Variants in SBF2 observed in about 807,000 individuals in gnomAD.
SBF2 encodes the protein myotubularin-related protein 13.
Under a neutral mutation model 225.2 loss-of-function variants are expected in SBF2, and 112 were observed. The ratio of observed to expected loss-of-function variants is 0.50; its 90% confidence interval spans 0.43 to 0.58. SBF2 has a LOEUF of 0.58. Among genes scored for constraint, SBF2 ranks in the 20% least tolerant of loss-of-function variants. The pLI is 0.00. For missense variants in SBF2, 1,996 were observed against 2,206.2 expected, an observed-to-expected ratio of 0.90 and a Z score of 1.91; for synonymous variants, 763 against 773.3, an observed-to-expected ratio of 0.99 and a Z score of 0.22.
chr11:10,032,894 CT>C (rs1214430040), intron 3 of SBF2, among the ~76,000 whole-genome samples: 1 of 152,158 alleles, frequency 6.6e-6, no homozygotes, highest in African/African-American at 2.4e-5. Flanking sequence ...CTTTTCCCCC[CT>C]ATTCATAGAG....
rs201014575 is a variant in SBF2 at position 9,845,454 on chromosome 11, G to C, written c.3110+111C>G. On this transcript the variant is annotated intron_variant, in intron 24 of 39. Transcript: ENST00000256190. ...TGGCCCCATGGGCTTGACAGAAACA[G>C]AACAGTGAATGAAAACAGCAATCGC... is the stretch of plus-strand genomic sequence containing the variant. 1.2e-5 allele frequency: 12 copies of C among 990,188 alleles called. No homozygotes were observed. In the East Asian group the frequency reaches 2.7e-4, roughly 23 times the overall value. 61.3% of individuals were successfully genotyped at this position (990,188 alleles called of 1,614,324 possible). A position where few individuals can be genotyped will look rare whatever the true frequency, so the allele number is the denominator to read the frequency against.
rs757280038 is a variant in SBF2 at position 9,896,009 on chromosome 11, A to G, written c.1863T>C (p.Asp621=). Reference sequence around the variant, plus strand: ...TGTTGTATTCTTCTAAACTTGAACAATCCTTTAAGCAAAACAAAGACAAAA... The same window carrying G: ...TGTTGTATTCTTCTAAACTTGAACAGTCCTTTAAGCAAAACAAAGACAAAA... The part of the protein sequence containing the change: ...IIRMMNCTLQ[D]CSSLEEYNIA... The change falls in exon 17 of 40, where the codon GAT becomes GAC. Residue 621 remains aspartate (D), a splice_region_variant and synonymous_variant. Coordinates refer to ENST00000256190, the MANE Select transcript of SBF2 (RefSeq NM_030962.4). 1 of 1,612,184 alleles carries G rather than the reference A, an allele frequency of 6.2e-7. No homozygotes were observed. Among genetic ancestry groups the G allele is most frequent in the Non-Finnish European group, 8.5e-7 (1 of 1,178,502 alleles).
rs1203166519 is a variant in SBF2, at chr11:10,104,380, G to T, written c.142-61399C>A. Among the ~76,000 whole-genome samples, 3 of 152,336 alleles carry T rather than the reference G, an allele frequency of 2.0e-5. No individual in the cohort carries two copies. In the East Asian group the frequency reaches 5.8e-4, roughly 29 times the overall value. On this transcript the variant is annotated intron_variant, in intron 2 of 39. Coordinates refer to ENST00000256190, the MANE Select transcript of SBF2 (RefSeq NM_030962.4). ...AGAAGAGCAGTTTGAAACAATGGTG[G>T]AAGGTATAACAACAATGGCTGCCCA...
intron 9 of SBF2, among the ~76,000 whole-genome samples, chr11:9,996,583 G>A (rs1268297485): frequency 6.6e-6 from 1 of 151,984 alleles, no homozygotes; most frequent in Non-Finnish European, 1.5e-5. Context: ...AGAGATGGGG[G>A]TTTCACCATG....
At chr11:10,071,260 TC>T (rs1321051432) in intron 2 of SBF2, among the ~76,000 whole-genome samples, 17 of 119,300 alleles carry the variant, frequency 1.4e-4, no homozygotes, top group Non-Finnish European at 1.5e-4. Flanking sequence ...TTTTTCTCTC[TC>T]TCTCTTTTTT....
rs35409690 is a variant in SBF2 at position 10,003,372 on chromosome 11, CTT to C, written c.620-685_620-684del. Among the ~76,000 whole-genome samples, 328 of 138,760 alleles carry C rather than the reference CTT, an allele frequency of 2.4e-3. 2 individuals carry two copies. Among genetic ancestry groups the C allele is most frequent in the Non-Finnish European group, 2.9e-3 (182 of 63,440 alleles). 91.0% of individuals were successfully genotyped at this position (138,760 alleles called of 152,430 possible). On this transcript the variant is annotated intron_variant, in intron 6 of 39. Transcript: ENST00000256190. ...TTTATGCTTTTTCTTTTTCTTTTTT[CTT>C]TTTTTTTTTTTGAGACGGAGCCTTG...
intron 1 of SBF2, among the ~76,000 whole-genome samples, chr11:10,284,725 C>T (rs1182523903): frequency 6.6e-6 from 1 of 152,048 alleles, no homozygotes; most frequent in African/African-American, 2.4e-5. Context: ...ATGCTCCCAC[C>T]TCAACCTCCC....
At chr11:9,874,832 T>G (rs1859081317) in intron 17 of SBF2, among the ~76,000 whole-genome samples, 1 of 152,210 alleles carries the variant, frequency 6.6e-6, no homozygotes, top group Non-Finnish European at 1.5e-5. Context: ...ACCTCTTGAC[T>G]TGCATGTACA....
intron 14 of SBF2, 54 bp downstream of exon 14, chr11:9,968,287 G>A: frequency 6.7e-7 from 1 of 1,501,142 alleles, no homozygotes. Flanking sequence ...TTCCTTTTTG[G>A]GTCTTACATC....
chr11:10,300,363 T>C (rs1248328214), intron 1 of SBF2, among the ~76,000 whole-genome samples: 1 of 152,162 alleles, frequency 6.6e-6, no homozygotes, highest in East Asian at 1.9e-4. Context: ...CATTCAGGCT[T>C]ATAAATCAGA....
At chr11:9,893,237 C>T (rs1179102812) in intron 17 of SBF2, among the ~76,000 whole-genome samples, 2 of 152,140 alleles carry the variant, frequency 1.3e-5, no homozygotes, top group Non-Finnish European at 2.9e-5. Context: ...CATCTACTTC[C>T]TGAATTAACA....
At chr11:10,142,155 T>C (rs1954677282) in intron 2 of SBF2, among the ~76,000 whole-genome samples, 2 of 152,200 alleles carry the variant, frequency 1.3e-5, no homozygotes, top group Non-Finnish European at 2.9e-5. Flanking sequence ...TAGACATTTT[T>C]CTTAGCAAAG....
chr11:9,998,503 T>C (rs761233434), intron 8 of SBF2, 124 bp from the exon 9 acceptor site: 40 of 631,386 alleles, frequency 6.3e-5, no homozygotes, highest in Non-Finnish European at 1.0e-4. Context: ...TGTTTGTCCA[T>C]AGTAGTAGAA....
At chr11:10,259,795 AT>A (rs1961252105) in intron 1 of SBF2, among the ~76,000 whole-genome samples, 1 of 152,126 alleles carries the variant, frequency 6.6e-6, no homozygotes, top group South Asian at 2.1e-4. Context: ...ATAAAAAATA[AT>A]TTTTTATTTT....
intron 32 of SBF2, among the ~76,000 whole-genome samples, chr11:9,805,849 C>CG (rs1296151999): frequency 3.3e-5 from 5 of 152,234 alleles, no homozygotes; most frequent in African/African-American, 1.2e-4. Flanking sequence ...GTTTTGATCT[C>CG]TTACCTCGTG....
At chr11:10,226,467 C>T (rs1958556999) in intron 1 of SBF2, among the ~76,000 whole-genome samples, 1 of 151,618 alleles carries the variant, frequency 6.6e-6, no homozygotes, top group Non-Finnish European at 1.5e-5. Flanking sequence ...TCTCCTAATA[C>T]TATCCCTCCC....
At chr11:9,839,328 G>A (rs1855943459) in intron 26 of SBF2, 170 bp downstream of exon 26, 1 of 705,282 alleles carries the variant, frequency 1.4e-6, no homozygotes, top group Non-Finnish European at 2.5e-6. Context: ...TTTCAGTAAG[G>A]TAATTGTTCC....
intron 2 of SBF2, among the ~76,000 whole-genome samples, chr11:10,050,033 A>G (rs1432344684): frequency 6.6e-6 from 1 of 152,172 alleles, no homozygotes; most frequent in Non-Finnish European, 1.5e-5. Flanking sequence ...CCTCTGATAA[A>G]AAGTGAATCA....
intron 1 of SBF2, among the ~76,000 whole-genome samples, chr11:10,245,139 A>G (rs1959648877): frequency 6.6e-6 from 1 of 151,814 alleles, no homozygotes; most frequent in African/African-American, 2.4e-5. Flanking sequence ...GTCTCAAAAA[A>G]AAAAAAAAAA....
Sources: allele counts gnomAD v4.1 joint callset (sites outside exome capture counted in the v4.1 genomes callset), GRCh38; gene constraint gnomAD v4.1.1; transcripts MANE v1.5; gene names NCBI Gene and HGNC (gene_info 2026-07-23, HGNC 2026-07-21).